The following CD59 variants were observed in gnomAD, a reference collection of about 807,000 sequenced individuals.
CD59 encodes CD59 molecule (CD59 blood group).
In CD59, 3 loss-of-function variants were observed where a neutral mutation model predicts 7.0. That is an observed-to-expected ratio of 0.43 (90% CI 0.19 to 1.10). The LOEUF is 1.10. Ranked by LOEUF, CD59 falls within the 50% of genes least tolerant of loss-of-function variation. The probability of loss-of-function intolerance (pLI) is 0.29; values close to 1 mark genes in which losing one functional copy is unlikely to be tolerated. For synonymous variants in CD59, 60 were observed against 62.0 expected, an observed-to-expected ratio of 0.97 and a Z score of 0.15; for missense variants, 143 against 151.0, an observed-to-expected ratio of 0.95 and a Z score of 0.28.
chr11:33,715,436 C>T lies in CD59; in HGVS notation c.169+1934G>A, dbSNP rs1853744961. Among the ~76,000 whole-genome samples, 3 of 152,108 alleles carry T rather than the reference C, an allele frequency of 2.0e-5. No homozygotes were observed. The South Asian group carries it at 6.2e-4, about 32-fold the overall frequency. ...GCAAAATAGTGAAACCCCGTCTCTA[C>T]TAAAAATACAAAAATTAGCTGGGCA... On this transcript the variant is annotated intron_variant, in intron 3 of 3. Transcript: ENST00000642928.
intron 2 of CD59, 71 bp from the exon 3 acceptor site, chr11:33,717,542 A>G (rs967549582): frequency 4.2e-5 from 39 of 928,370 alleles, no homozygotes; most frequent in Non-Finnish European, 6.5e-5. Context: ...CACCATCTCC[A>G]TTAATATGGG....
At position 33,708,556 on chromosome 11, in the gene CD59, T is replaced by A. The variant is rs1176758307; in HGVS notation, c.*1570A>T. ...TAGAACTCACATGAAATGAGCTTCTTTGCTCAGCCGGTGGCTGTGGGCATG... is the reference window on the plus strand; with the variant it reads ...TAGAACTCACATGAAATGAGCTTCTATGCTCAGCCGGTGGCTGTGGGCATG... On this transcript the variant is annotated 3_prime_UTR_variant, in exon 4 of 4. Coordinates refer to ENST00000642928, the MANE Select transcript of CD59 (RefSeq NM_000611.6). 1.3e-5 allele frequency: 2 copies of A among 149,484 alleles called. No homozygotes were observed. Among genetic ancestry groups the A allele is most frequent in the Non-Finnish European group, 3.0e-5 (2 of 67,668 alleles). 9.3% of individuals were successfully genotyped at this position (149,484 alleles called of 1,614,324 possible). A position where few individuals can be genotyped will look rare whatever the true frequency, so the allele number is the denominator to read the frequency against.
intron 1 of CD59, among the ~76,000 whole-genome samples, chr11:33,732,518 C>T (rs559751685): frequency 7.2e-5 from 11 of 152,324 alleles, no homozygotes; most frequent in African/African-American, 2.6e-4. Flanking sequence ...AATTAAACCT[C>T]TTTTCTTTAT....
chr11:33,713,891 G>T (rs1853671499), intron 3 of CD59, among the ~76,000 whole-genome samples: 1 of 152,144 alleles, frequency 6.6e-6, no homozygotes, highest in Admixed American at 6.5e-5. Context: ...GAGTGTTACA[G>T]GTTTTCTCCT....
intron 1 of CD59, among the ~76,000 whole-genome samples, chr11:33,734,694 T>C (rs1450391149): frequency 6.6e-6 from 1 of 152,220 alleles, no homozygotes; most frequent in Non-Finnish European, 1.5e-5. Flanking sequence ...TAAGTACACA[T>C]GCAAAACCAA....
chr11:33,726,876 T>C lies in CD59; in HGVS notation c.-18-4413A>G, dbSNP rs897857441. Among the ~76,000 whole-genome samples, 6 of 152,272 alleles carry C rather than the reference T, an allele frequency of 3.9e-5. No individual in the cohort carries two copies. In the South Asian group the frequency reaches 1.2e-3, roughly 32 times the overall value. On this transcript the variant is annotated intron_variant, in intron 1 of 3. Transcript: ENST00000642928. ...AATCCCACAGAAATACAAACTACCA[T>C]CAGAGAATACTGTAAACACTTCTAC...
chr11:33,714,604 G>A (rs968808785), intron 3 of CD59, among the ~76,000 whole-genome samples: 2 of 152,140 alleles, frequency 1.3e-5, no homozygotes, highest in Non-Finnish European at 2.9e-5. Flanking sequence ...TTTTTTAATT[G>A]TAAATGTTTT....
intron 2 of CD59, 25 bp from the exon 3 acceptor site, chr11:33,717,496 T>A: frequency 6.8e-7 from 1 of 1,470,948 alleles, no homozygotes; most frequent in Non-Finnish European, 9.5e-7. Flanking sequence ...AAAGTCAGGA[T>A]CTCTTAAAGC....
intron 1 of CD59, among the ~76,000 whole-genome samples, chr11:33,723,413 T>C (rs540598132): frequency 6.6e-6 from 1 of 152,296 alleles, no homozygotes; most frequent in African/African-American, 2.4e-5. Flanking sequence ...GGTCATCTGC[T>C]ACTTAGGAAT....
intron 1 of CD59, among the ~76,000 whole-genome samples, chr11:33,726,388 G>A (rs967703546): frequency 2.2e-4 from 33 of 152,094 alleles, no homozygotes; most frequent in African/African-American, 5.8e-4. Flanking sequence ...ACTCAAAACC[G>A]CACAACTACA....
chr11:33,727,407 A>G (rs1240047319), intron 1 of CD59, among the ~76,000 whole-genome samples: 1 of 152,226 alleles, frequency 6.6e-6, no homozygotes, highest in African/African-American at 2.4e-5. Context: ...CATAAACAGA[A>G]CCAACGACAA....
At chr11:33,717,601 A>G (rs1853859370) in intron 2 of CD59, 130 bp from the exon 3 acceptor site, 3 of 699,466 alleles carry the variant, frequency 4.3e-6, no homozygotes, top group South Asian at 1.5e-5. Context: ...ACAAATGTAT[A>G]GCAGTTATAT....
intron 1 of CD59, among the ~76,000 whole-genome samples, chr11:33,727,000 A>T (rs550346448): frequency 9.8e-5 from 15 of 152,344 alleles, no homozygotes; most frequent in Admixed American, 7.8e-4. Context: ...TGAACAGACC[A>T]ATAACAGGTT....
rs562364654 is a variant in CD59, at chr11:33,735,650, G to T, written c.-19+732C>A. On this transcript the variant is annotated intron_variant, in intron 1 of 3. Transcript: ENST00000642928. ...ACGTCCGTTTCGGCCGGGCGCGGTGGCTCACACCTGTAATCCCAACACTTT... is the reference window on the plus strand; with the variant it reads ...ACGTCCGTTTCGGCCGGGCGCGGTGTCTCACACCTGTAATCCCAACACTTT... Among the ~76,000 whole-genome samples, 99 of 152,252 alleles carry T rather than the reference G, an allele frequency of 6.5e-4. No homozygotes were observed. The South Asian group carries it at 0.015, about 22-fold the overall frequency.
intron 1 of CD59, among the ~76,000 whole-genome samples, chr11:33,723,508 A>G (rs1854156837): frequency 6.6e-6 from 1 of 152,248 alleles, no homozygotes; most frequent in South Asian, 2.1e-4. Flanking sequence ...ACAATCAGTG[A>G]GTCAAGCCTG....
chr11:33,716,987 C>T (rs1215190182), intron 3 of CD59, among the ~76,000 whole-genome samples: 2 of 152,128 alleles, frequency 1.3e-5, no homozygotes, highest in Non-Finnish European at 2.9e-5. Context: ...TCTTTGCATC[C>T]CTAGCTCCTA....
Position 33,707,265 on chromosome 11 carries a change from G to A in CD59, c.*2861C>T, listed in dbSNP as rs1215215141. Reference sequence around the variant, plus strand: ...TGAACACTGCTAAAGAACTTACCAAGAGAACTCAGATGTATAAAAGTGGTT... The same window carrying A: ...TGAACACTGCTAAAGAACTTACCAAAAGAACTCAGATGTATAAAAGTGGTT... On this transcript the variant is annotated 3_prime_UTR_variant, in exon 4 of 4. Transcript: ENST00000642928. The A allele has an allele frequency of 1.3e-5, 2 of 152,194 alleles. No individual in the cohort carries two copies. The highest frequency in any genetic ancestry group is 2.9e-5 in the Non-Finnish European group (2 of 68,042). 9.4% of individuals were successfully genotyped at this position (152,194 alleles called of 1,614,324 possible). A position where few individuals can be genotyped will look rare whatever the true frequency, so the allele number is the denominator to read the frequency against.
At chr11:33,714,087 T>G (rs2133535100) in intron 3 of CD59, among the ~76,000 whole-genome samples, 1 of 152,360 alleles carries the variant, frequency 6.6e-6, no homozygotes, top group Admixed American at 6.5e-5. Context: ...TGGTTTATAC[T>G]GCTAGGATGC....
At chr11:33,711,502 A>G (rs1240434000) in intron 3 of CD59, 1 of 661,248 alleles carries the variant, frequency 1.5e-6, no homozygotes, top group Non-Finnish European at 2.7e-6. Context: ...GTGATATCCC[A>G]ACTCTACAAA....
Sources: gnomAD v4.1 joint callset for allele counts (sites outside exome capture counted in the v4.1 genomes callset) on GRCh38, gnomAD v4.1.1 for gene constraint, MANE v1.5 for transcripts, NCBI Gene and HGNC (gene_info 2026-07-23, HGNC 2026-07-21) for gene names.